Variants in UHRF2 observed in about 807,000 individuals in gnomAD.
The protein encoded by UHRF2 is E3 ubiquitin-protein ligase UHRF2.
Under a neutral mutation model 96.8 loss-of-function variants are expected in UHRF2, and 23 were observed. The ratio of observed to expected loss-of-function variants is 0.24; its 90% CI spans 0.17 to 0.34. UHRF2 has a LOEUF of 0.34. Among genes scored for constraint, UHRF2 ranks in the 10% least tolerant of loss-of-function variants. The pLI, the probability that UHRF2 is intolerant of heterozygous loss-of-function variation, is 1.00. For missense variants in UHRF2, 685 were observed against 981.5 expected, an observed-to-expected ratio of 0.70 and a Z score of 4.04; for synonymous variants, 385 against 332.6, an observed-to-expected ratio of 1.16 and a Z score of -1.72.
Position 6,413,384 on chromosome 9 carries a change from T to A in UHRF2, c.-107T>A. 8.7e-7 allele frequency: 1 copy of A among 1,145,786 alleles called. No individual in the cohort carries two copies. The highest frequency in any genetic ancestry group is 1.1e-6 in the Non-Finnish European group (1 of 912,806). The allele number at this position is 1,145,786 out of a possible 1,614,324, so 71.0% of individuals were successfully genotyped here. On this transcript the variant is annotated 5_prime_UTR_variant, in exon 1 of 16. Transcript: ENST00000276893. ...GGTCCGGTGGGCGCGCTCGCCCGCCTGCCGCTGAGGGCCCGAGCCGCAGGG... is the reference window on the plus strand; with the variant it reads ...GGTCCGGTGGGCGCGCTCGCCCGCCAGCCGCTGAGGGCCCGAGCCGCAGGG...
At chr9:6,488,759 C>T (rs1390508339) in intron 9 of UHRF2, among the ~76,000 whole-genome samples, 1 of 151,538 alleles carries the variant, frequency 6.6e-6, no homozygotes, top group Non-Finnish European at 1.5e-5. Flanking sequence ...ACCTCGGCTT[C>T]CCAAAGTGCT....
At chr9:6,432,597 T>C (rs367799803) in intron 2 of UHRF2, among the ~76,000 whole-genome samples, 15 of 152,214 alleles carry the variant, frequency 9.9e-5, no homozygotes, top group Admixed American at 8.5e-4. Flanking sequence ...ATTAAACTTC[T>C]TAGGGTTAGA....
chr9:6,485,082 C>T (rs1021547570), intron 8 of UHRF2, among the ~76,000 whole-genome samples: 1 of 151,922 alleles, frequency 6.6e-6, no homozygotes, highest in Non-Finnish European at 1.5e-5. Flanking sequence ...CGTGAGCCAC[C>T]GTGCCCAGCC....
chr9:6,418,269 T>A (rs1285484990), intron 1 of UHRF2, among the ~76,000 whole-genome samples: 1 of 151,806 alleles, frequency 6.6e-6, no homozygotes, highest in Non-Finnish European at 1.5e-5. Flanking sequence ...CTTTTTTTTT[T>A]TTTTTTTTTA....
intron 2 of UHRF2, chr9:6,422,692 C>T (rs1376316564): frequency 1.7e-6 from 1 of 592,410 alleles, no homozygotes; most frequent in Non-Finnish European, 3.2e-6. Context: ...TCGCTGTAGC[C>T]TTGACCTGCT....
rs1428391589 is a variant in UHRF2, at chr9:6,422,513, G to T, written c.384+1371G>T. 3 of 425,830 alleles carry T rather than the reference G, an allele frequency of 7.0e-6. No individual in the cohort carries two copies. The East Asian group carries it at 1.1e-4, about 15-fold the overall frequency. The allele number at this position is 425,830 out of a possible 1,614,324, so 26.4% of individuals were successfully genotyped here. On this transcript the variant is annotated intron_variant, in intron 2 of 15. Coordinates refer to ENST00000276893, the MANE Select transcript of UHRF2 (RefSeq NM_152896.3). ...TCTACAAATCTGATGGGATTCTATG[G>T]AGATTGCATCTATAGATCAGCTTGG...
chr9:6,460,006 T>G (rs1218213859), intron 3 of UHRF2, among the ~76,000 whole-genome samples: 20 of 152,140 alleles, frequency 1.3e-4, no homozygotes, highest in Admixed American at 1.3e-3. Flanking sequence ...TAAAAAAATG[T>G]AGAGCAAGAG....
intron 6 of UHRF2, 133 bp from the exon 7 acceptor site, chr9:6,481,510 G>C: frequency 1.1e-6 from 1 of 951,934 alleles, no homozygotes; most frequent in Non-Finnish European, 1.5e-6. Context: ...GTATTTTAAT[G>C]CCAGTTAAAG....
At chr9:6,501,679 CA>C (rs1209506423) in intron 14 of UHRF2, among the ~76,000 whole-genome samples, 2 of 152,144 alleles carry the variant, frequency 1.3e-5, no homozygotes, top group Admixed American at 6.5e-5. Flanking sequence ...GTTTAGAGGA[CA>C]GGGGAAAGTG....
chr9:6,415,930 C>CTT (rs1040011855), intron 1 of UHRF2, among the ~76,000 whole-genome samples: 5 of 152,202 alleles, frequency 3.3e-5, no homozygotes, highest in Admixed American at 6.5e-5. Context: ...GCAGCATTAG[C>CTT]TTTACCTGAA....
chr9:6,490,621 C>T (rs142313225), intron 9 of UHRF2, among the ~76,000 whole-genome samples: 1 of 152,184 alleles, frequency 6.6e-6, no homozygotes, highest in African/African-American at 2.4e-5. Flanking sequence ...AAGTGAGACT[C>T]TGTCTTTAAA....
chr9:6,481,315 G>A (rs1823914513), intron 6 of UHRF2, among the ~76,000 whole-genome samples: 2 of 152,084 alleles, frequency 1.3e-5, no homozygotes, highest in South Asian at 4.1e-4. Flanking sequence ...AGCTACTTTT[G>A]TTTTAATGAC....
Position 6,413,599 on chromosome 9 carries a change from G to C in UHRF2, c.109G>C (p.Asp37His), listed in dbSNP as rs1819416147. The C allele has an allele frequency of 1.9e-6, 3 of 1,600,884 alleles. No individual in the cohort carries two copies. The highest frequency in any genetic ancestry group is 2.6e-6 in the Non-Finnish European group (3 of 1,174,404). The change falls in exon 1 of 16, where the codon GAC (aspartate) becomes CAC (histidine). Residue 37 changes from aspartate (D) to histidine (H), a missense_variant. Transcript: ENST00000276893. Reference sequence around the variant, plus strand: ...GCGCGAGCGGGTGTGGGCGCTGTTCGACGTGCGGCCCGAATGCCAGCGCCT... The same window carrying C: ...GCGCGAGCGGGTGTGGGCGCTGTTCCACGTGCGGCCCGAATGCCAGCGCCT... ...ELRERVWALF[D>H]VRPECQRLFY...
At chr9:6,449,048 GTAT>G (rs1184221460) in intron 3 of UHRF2, among the ~76,000 whole-genome samples, 1 of 152,116 alleles carries the variant, frequency 6.6e-6, no homozygotes, top group African/African-American at 2.4e-5. Context: ...GAGCACCACT[GTAT>G]TATTTTGAAG....
At chr9:6,480,353 A>G (rs1477030852) in intron 6 of UHRF2, among the ~76,000 whole-genome samples, 1 of 152,206 alleles carries the variant, frequency 6.6e-6, no homozygotes, top group Non-Finnish European at 1.5e-5. Context: ...ATGTACAAAC[A>G]TTTTTATCAC....
chr9:6,471,900 G>C (rs2130881809), intron 4 of UHRF2, among the ~76,000 whole-genome samples: 1 of 152,294 alleles, frequency 6.6e-6, no homozygotes, highest in Non-Finnish European at 1.5e-5. Context: ...AAGGAAAAAG[G>C]AGTCCGGTTA....
chr9:6,476,609 G>C (rs539854445), intron 5 of UHRF2, among the ~76,000 whole-genome samples: 4 of 151,566 alleles, frequency 2.6e-5, no homozygotes, highest in Non-Finnish European at 5.9e-5. Flanking sequence ...TTTGTTTTTT[G>C]TTTTGAGACA....
intron 3 of UHRF2, among the ~76,000 whole-genome samples, chr9:6,446,990 G>A (rs1211372085): frequency 1.3e-5 from 2 of 152,048 alleles, no homozygotes; most frequent in African/African-American, 4.8e-5. Context: ...CCGGGTTCAC[G>A]CCATTCTCTT....
At chr9:6,444,583 T>G (rs1270004441) in intron 3 of UHRF2, among the ~76,000 whole-genome samples, 2 of 152,194 alleles carry the variant, frequency 1.3e-5, no homozygotes, top group African/African-American at 4.8e-5. Flanking sequence ...TGTGTGGGCC[T>G]TGGGTAGGGC....
Sources: allele counts gnomAD v4.1 joint callset (sites outside exome capture counted in the v4.1 genomes callset), GRCh38; gene constraint gnomAD v4.1.1; transcripts MANE v1.5; gene names NCBI Gene and HGNC (gene_info 2026-07-23, HGNC 2026-07-21).